Variants in WBP2 observed in about 807,000 individuals in gnomAD.
The protein encoded by WBP2 is WW domain binding protein 2.
WBP2 carries 23 observed loss-of-function variants against 33.0 expected under a neutral mutation model. That is an observed-to-expected ratio of 0.70 (90% CI 0.50 to 0.99). WBP2 has a LOEUF of 0.99. Among genes scored for constraint, WBP2 ranks in the 50% least tolerant of loss-of-function variants. The pLI is 0.00. For missense variants in WBP2, 353 were observed against 358.0 expected (o/e 0.99, Z 0.11); for synonymous variants, 153 against 133.5 (o/e 1.15, Z -1.01).
chr17:75,847,802 G>C lies in WBP2; in HGVS notation c.526C>G (p.Pro176Ala). Residue 176 changes from proline (P) to alanine (A), a missense_variant, in exon 5 of 8, where the codon CCA becomes GCA. Pro to Ala is a conservative substitution (Grantham distance 27). Coordinates refer to ENST00000254806, the MANE Select transcript of WBP2 (RefSeq NM_012478.4). The stretch of plus-strand genomic sequence containing the variant: ...CAGCAAAGGACACACTCACCAGGTG[G>C]GGGCGGTGGATAGGGGTAGCCAGGA... ...CPPGYPYPPPPPEFYPGPPMM... is the reference protein window; with the variant it reads ...CPPGYPYPPPAPEFYPGPPMM... The C allele has an allele frequency of 5.8e-6, 9 of 1,556,950 alleles. No individual in the cohort carries two copies. The highest frequency in any genetic ancestry group is 7.8e-6 in the Non-Finnish European group (9 of 1,149,606).
Position 75,849,578 on chromosome 17 carries a change from C to A in WBP2, c.304+26G>T, listed in dbSNP as rs767366540. The A allele has an allele frequency of 1.4e-4, 228 of 1,613,106 alleles. 1 individual carries two copies. The Admixed American group carries it at 1.5e-3, about 10-fold the overall frequency. ...AGGACACCTCCCTGCAGGCCCCATG[C>A]GTGTCCCTGAGTTCCCATCACCTAC... is the stretch of plus-strand genomic sequence containing the variant. On this transcript the variant is annotated intron_variant, in intron 3 of 7. Transcript: ENST00000254806.
chr17:75,854,882 C>G (rs886630169), intron 1 of WBP2, among the ~76,000 whole-genome samples: 5 of 152,178 alleles, frequency 3.3e-5, no homozygotes. Context: ...GAGCCTGACA[C>G]GTAGTAACGT....
At chr17:75,855,368 G>C, upstream of WBP2, 1 of 1,569,554 alleles carries the variant, frequency 6.4e-7, no homozygotes, top group Non-Finnish European at 8.7e-7. Flanking sequence ...CGCCCCTAGT[G>C]GCGTCTTCTT....
At position 75,847,629 on chromosome 17, in the gene WBP2, C is replaced by T; in HGVS notation, c.533-20G>A. 6.2e-7 allele frequency: 1 copy of T among 1,612,868 alleles called. No homozygotes were observed. Among genetic ancestry groups the T allele is most frequent in the African/African-American group, 1.3e-5 (1 of 75,002 alleles). On this transcript the variant is annotated intron_variant, in intron 5 of 7. Coordinates refer to ENST00000254806, the MANE Select transcript of WBP2 (RefSeq NM_012478.4). Reference sequence around the variant, plus strand: ...AGAACTCTGCTCGGTGAGAGAGTAACAAGGACATGGTGAGCACCCGGCTGC... The same window carrying T: ...AGAACTCTGCTCGGTGAGAGAGTAATAAGGACATGGTGAGCACCCGGCTGC...
In WBP2 at chr17:75,848,536, T is replaced by C. The variant is rs1280545510; in HGVS notation, c.397+34A>G. ...ATACCAAACCCCTACATGTTTAGTG[T>C]GTCTTTAGCCCCTAATCTTCGGAGC... On this transcript the variant is annotated intron_variant, in intron 4 of 7. Transcript: ENST00000254806. 4 of 1,593,256 alleles carry C rather than the reference T, an allele frequency of 2.5e-6. No individual in the cohort carries two copies. In the African/African-American group the frequency reaches 4.0e-5, roughly 16 times the overall value.
At position 75,845,759 on chromosome 17, in the gene WBP2, G is replaced by A. The variant is rs2064985792; in HGVS notation, c.*975C>T. 1 of 152,588 alleles carries A rather than the reference G, an allele frequency of 6.6e-6. No homozygotes were observed. The highest frequency in any genetic ancestry group is 1.5e-5 in the Non-Finnish European group (1 of 68,048). 9.5% of individuals were successfully genotyped at this position (152,588 alleles called of 1,614,324 possible). A position where few individuals can be genotyped will look rare whatever the true frequency, so the allele number is the denominator to read the frequency against. On this transcript the variant is annotated 3_prime_UTR_variant, in exon 8 of 8. Transcript: ENST00000254806. ...GCAAACAAATCGAGGTGCAAACAGG[G>A]TTTATTTCACATTAATATATTAACT...
In WBP2 at chr17:75,846,955, T is replaced by C. The variant is rs1381990192; in HGVS notation, c.685A>G (p.Ser229Gly). The C allele has an allele frequency of 1.9e-6, 3 of 1,613,960 alleles. No individual in the cohort carries two copies. The highest frequency in any genetic ancestry group is 1.3e-5 in the African/African-American group (1 of 74,918). Residue 229 changes from serine (S) to glycine (G), a missense_variant, in exon 7 of 8, where the codon AGC (serine) becomes GGC (glycine). By Grantham distance (56) the Ser-to-Gly change is moderately conservative. Coordinates refer to ENST00000254806, the MANE Select transcript of WBP2 (RefSeq NM_012478.4). The surrounding 1 kb of genome is among the most constrained non-coding windows in gnomAD (Gnocchi z 4.8). Reference protein sequence around the residue: ...AEAKAAEAAASAYYNPGNPHN... With the variant: ...AEAKAAEAAAGAYYNPGNPHN... ...GGATTGCCTGGGTTGTAATAGGCGC[T>C]GGCGGCTGCTTCTGCGGCCTTGGCT...
chr17:75,851,940 A>G (rs1470151036), intron 1 of WBP2: 1 of 251,406 alleles, frequency 4.0e-6, no homozygotes, highest in Non-Finnish European at 8.3e-6. Flanking sequence ...CATCTCTACT[A>G]AAAATACAAA....
At position 75,846,513 on chromosome 17, in the gene WBP2, G is replaced by A. The variant is rs9899283; in HGVS notation, c.*221C>T. The A allele has an allele frequency of 6.6e-6, 4 of 605,380 alleles. No homozygotes were observed. Among genetic ancestry groups the A allele is most frequent in the Admixed American group, 5.9e-5 (2 of 34,106 alleles). 37.5% of individuals were successfully genotyped at this position (605,380 alleles called of 1,614,324 possible). ...GAGCCCCAGACGGTGAGGGAGGTAC[G>A]CTGGGCAGCACTGTGGGCTCCGGGC... On this transcript the variant is annotated 3_prime_UTR_variant, in exon 8 of 8. Transcript: ENST00000254806. This position sits in a 1 kb window ranked among gnomAD's most constrained non-coding sequence, Gnocchi z 4.8.
rs112402711 is a variant in WBP2 at position 75,847,101 on chromosome 17, A to G, written c.656-117T>C. ...TGGTGCTGGGGGTCCAGTTCCACCA[A>G]TGAGAGCAGCAGGTGAGGTTTCCTG... On this transcript the variant is annotated intron_variant, in intron 6 of 7. Transcript: ENST00000254806. 5,360 of 1,128,564 alleles carry G rather than the reference A, an allele frequency of 4.7e-3. 185 individuals are homozygous for G. In the African/African-American group the frequency reaches 0.074, roughly 16 times the overall value. The allele number at this position is 1,128,564 out of a possible 1,614,324, so 69.9% of individuals were successfully genotyped here.
At chr17:75,847,453 T>TCCCGAAGGGCTGCC in intron 6 of WBP2, 34 bp downstream of exon 6, 1 of 1,576,784 alleles carries the variant, frequency 6.3e-7, no homozygotes. Flanking sequence ...AGAGGGCTGG[T>TCCCGAAGGGCTGCC]CCCGAAGGGC....
At chr17:75,850,402 T>C (rs2065021312) in intron 2 of WBP2, among the ~76,000 whole-genome samples, 2 of 152,056 alleles carry the variant, frequency 1.3e-5, no homozygotes, top group South Asian at 4.1e-4. Flanking sequence ...CCCGCCACCA[T>C]GCCCGGCTAA....
chr17:75,848,286 T>C lies in WBP2; in HGVS notation c.397+284A>G, dbSNP rs1599421523. 5 of 584,748 alleles carry C rather than the reference T, an allele frequency of 8.6e-6. No homozygotes were observed. In the Admixed American group the frequency reaches 9.0e-5, roughly 11 times the overall value. 36.2% of individuals were successfully genotyped at this position (584,748 alleles called of 1,614,324 possible). ...TGCGGAACCGCAGTCGAATGGTTGGTTTAGTGTTTGTTTTATGAGGCCATA... is the reference window on the plus strand; with the variant it reads ...TGCGGAACCGCAGTCGAATGGTTGGCTTAGTGTTTGTTTTATGAGGCCATA... On this transcript the variant is annotated intron_variant, in intron 4 of 7. Transcript: ENST00000254806.
At chr17:75,847,221 C>T (rs927471461) in intron 6 of WBP2, 5 of 678,306 alleles carry the variant, frequency 7.4e-6, no homozygotes, top group African/African-American at 3.6e-5. Flanking sequence ...CCACTGTGAC[C>T]GACCAGCTGA....
At chr17:75,847,765 G>C (rs1009738198) in intron 5 of WBP2, 31 bp downstream of exon 5, 4 of 1,542,138 alleles carry the variant, frequency 2.6e-6, no homozygotes, top group Non-Finnish European at 3.5e-6. Context: ...GGGCTCATGA[G>C]GGGAGTGGGG....
chr17:75,855,712 C>G (rs566828207), upstream of WBP2, among the ~76,000 whole-genome samples: 2 of 152,378 alleles, frequency 1.3e-5, no homozygotes, highest in Admixed American at 1.3e-4. Context: ...CTTGGGGACT[C>G]CGGCAGCGCG....
In WBP2 at chr17:75,855,301, C is replaced by T. The variant is rs1047763038; in HGVS notation, c.-4G>A. On this transcript the variant is annotated 5_prime_UTR_variant, in exon 1 of 8. Transcript: ENST00000254806. ...AGTGATTCTTGTTGAGCGCCATAGT[C>T]TCTCCAACAGGGGTCCCGAGACTCA... 1.2e-6 allele frequency: 2 copies of T among 1,612,418 alleles called. No individual in the cohort carries two copies. The highest frequency in any genetic ancestry group is 1.7e-6 in the Non-Finnish European group (2 of 1,179,972).
At chr17:75,852,750 C>G in intron 1 of WBP2, 1 of 984,030 alleles carries the variant, frequency 1.0e-6, no homozygotes, top group Non-Finnish European at 1.2e-6. Context: ...CCACTGCGCC[C>G]GGCCAACTCT....
At position 75,849,730 on chromosome 17, in the gene WBP2, G is replaced by GA; in HGVS notation, c.177dup (p.Leu60SerfsTer22). The GA allele has an allele frequency of 6.2e-7, 1 of 1,614,068 alleles. No individual in the cohort carries two copies. The highest frequency in any genetic ancestry group is 8.5e-7 in the Non-Finnish European group (1 of 1,180,016). On this transcript the variant is annotated frameshift_variant, in exon 3 of 8. Transcript: ENST00000254806. LOFTEE classifies it high-confidence loss of function. The stretch of plus-strand genomic sequence containing the variant: ...TGCATGGCATCCTTGCCCTTGGACA[G>GA]AAAGATGACCTGCAGGGAGAGAGGG...
Sources: allele counts gnomAD v4.1 joint callset (sites outside exome capture counted in the v4.1 genomes callset), GRCh38; gene constraint gnomAD v4.1.1; non-coding constraint Gnocchi (gnomAD v3.1); transcripts MANE v1.5; gene names NCBI Gene and HGNC (gene_info 2026-07-23, HGNC 2026-07-21).